The following CEP83 variants were observed in gnomAD, a reference collection of about 807,000 sequenced individuals.
The protein encoded by CEP83 is centrosomal protein of 83 kDa.
In CEP83, 70 loss-of-function variants were observed where a neutral mutation model predicts 101.9. That is an observed-to-expected ratio of 0.69 (90% CI 0.57 to 0.84). The LOEUF (loss-of-function observed/expected upper bound fraction) is 0.84. Ranked by LOEUF, CEP83 falls within the 40% of genes least tolerant of loss-of-function variation. The pLI, the probability that CEP83 is intolerant of heterozygous loss-of-function variation, is 0.00. For missense variants in CEP83, 715 were observed against 787.2 expected (o/e 0.91, Z 1.10); for synonymous variants, 264 against 267.9 (o/e 0.99, Z 0.14).
At chr12:94,389,907 G>A (rs7970950) in intron 6 of CEP83, among the ~76,000 whole-genome samples, 3,947 of 152,324 alleles carry the variant, frequency 0.026, 189 homozygotes, top group African/African-American at 0.091. Flanking sequence ...CGGCACCCTG[G>A]CAGGGGGAGG....
At chr12:94,298,042 T>A in the CEP83 span, among the ~76,000 whole-genome samples, 4 of 152,152 alleles carry the variant, frequency 2.6e-5, no homozygotes, top group Admixed American at 2.0e-4. Flanking sequence ...CCCAGGAACT[T>A]GATGGGCATG....
At chr12:94,407,223 G>A (rs1195964140) in intron 4 of CEP83, among the ~76,000 whole-genome samples, 3 of 152,084 alleles carry the variant, frequency 2.0e-5, no homozygotes, top group East Asian at 1.9e-4. Flanking sequence ...ATTTTTAGAA[G>A]TAATCTCCAA....
At chr12:94,387,581 C>A (rs1301513543) in intron 6 of CEP83, among the ~76,000 whole-genome samples, 3 of 152,090 alleles carry the variant, frequency 2.0e-5, no homozygotes, top group Non-Finnish European at 4.4e-5. Flanking sequence ...AAAGTGATAA[C>A]TGGGACCTAA....
chr12:94,439,702 T>C (rs1050704898), intron 1 of CEP83, among the ~76,000 whole-genome samples: 1 of 152,070 alleles, frequency 6.6e-6, no homozygotes, highest in African/African-American at 2.4e-5. Flanking sequence ...GAAGCCAGTA[T>C]TATCCTAATA....
chr12:94,336,829 C>CTTT (rs1172888174), intron 11 of CEP83, among the ~76,000 whole-genome samples: 1 of 144,270 alleles, frequency 6.9e-6, no homozygotes, highest in African/African-American at 2.5e-5. Context: ...TGGGTGCCTT[C>CTTT]TTTTTTTTTT....
intron 6 of CEP83, 46 bp from the exon 7 acceptor site, chr12:94,379,088 T>C (rs1593545653): frequency 6.8e-7 from 1 of 1,461,290 alleles, no homozygotes; most frequent in African/African-American, 1.4e-5. Flanking sequence ...ATTATTAAAT[T>C]TTCAGTCATG....
chr12:94,325,150 C>T (rs1465890265), intron 14 of CEP83, among the ~76,000 whole-genome samples: 4 of 151,968 alleles, frequency 2.6e-5, no homozygotes, highest in African/African-American at 4.8e-5. Context: ...TAAAACAGCA[C>T]CCCCTACTCC....
chr12:94,310,383 C>T (rs990728823), intron 15 of CEP83, among the ~76,000 whole-genome samples: 17 of 151,386 alleles, frequency 1.1e-4, no homozygotes, highest in African/African-American at 4.1e-4. Flanking sequence ...CTCACTCCTA[C>T]CCTCCTACTC....
At chr12:94,300,571 T>TCATGC in the CEP83 span, among the ~76,000 whole-genome samples, 120 of 152,276 alleles carry the variant, frequency 7.9e-4, 1 homozygote, top group East Asian at 0.022. Flanking sequence ...TGATTCTGTG[T>TCATGC]TGAGAGGACT....
chr12:94,412,498 TA>T lies in CEP83; in HGVS notation c.-9del, dbSNP rs745804463. 3.2e-5 allele frequency: 51 copies of T among 1,609,868 alleles called. No homozygotes were observed. In the East Asian group the frequency reaches 1.1e-3, roughly 35 times the overall value. On this transcript the variant is annotated 5_prime_UTR_variant, in exon 3 of 17. Coordinates refer to ENST00000397809, the MANE Select transcript of CEP83 (RefSeq NM_016122.3). Reference sequence around the variant, plus strand: ...AAATGTGCTGACAACCATGTAAAAATAAGTTTTGGCTTTCTTACTGTTTTAG... The same window carrying T: ...AAATGTGCTGACAACCATGTAAAAATAGTTTTGGCTTTCTTACTGTTTTAG...
chr12:94,407,553 T>C (rs2063617738), intron 4 of CEP83, among the ~76,000 whole-genome samples: 1 of 152,206 alleles, frequency 6.6e-6, no homozygotes, highest in African/African-American at 2.4e-5. Context: ...CACTGGCCTG[T>C]GCAATCTAAT....
At chr12:94,279,623 G>C in the CEP83 span, 1 of 1,614,210 alleles carries the variant, frequency 6.2e-7, no homozygotes, top group East Asian at 2.2e-5. Flanking sequence ...TCTCCTTATG[G>C]ACTTCAGCTT....
chr12:94,311,734 G>A (rs1308534463), intron 15 of CEP83, among the ~76,000 whole-genome samples: 1 of 152,172 alleles, frequency 6.6e-6, no homozygotes, highest in African/African-American at 2.4e-5. Context: ...ATGACATGGA[G>A]AAAAAGGCTA....
intron 11 of CEP83, among the ~76,000 whole-genome samples, chr12:94,349,709 T>C (rs965338453): frequency 6.6e-6 from 1 of 152,168 alleles, no homozygotes; most frequent in East Asian, 1.9e-4. Context: ...AGATCAGGAA[T>C]AAACCAAGTA....
chr12:94,326,553 A>G (rs1163734969), intron 14 of CEP83, among the ~76,000 whole-genome samples: 1 of 152,180 alleles, frequency 6.6e-6, no homozygotes, highest in African/African-American at 2.4e-5. Context: ...CAAAGAAATG[A>G]TTGCTGGTAT....
chr12:94,276,756 C>A, the CEP83 span, among the ~76,000 whole-genome samples: 1 of 152,176 alleles, frequency 6.6e-6, no homozygotes, highest in Non-Finnish European at 1.5e-5. Context: ...CCCACCAGCT[C>A]CCTGCCTTCT....
intron 1 of CEP83, among the ~76,000 whole-genome samples, chr12:94,451,000 T>A (rs1460843171): frequency 2.6e-5 from 4 of 152,228 alleles, no homozygotes; most frequent in African/African-American, 9.6e-5. Flanking sequence ...TTTATAGACA[T>A]GAGTCTTGGA....
chr12:94,353,607 T>C (rs1565969234), intron 11 of CEP83, among the ~76,000 whole-genome samples: 1 of 151,980 alleles, frequency 6.6e-6, no homozygotes, highest in Non-Finnish European at 1.5e-5. Flanking sequence ...TGTAAACAGA[T>C]TACATCCCCC....
At position 94,336,907 on chromosome 12, in the gene CEP83, C is replaced by T. The variant is rs142980128; in HGVS notation, c.1344-1243G>A. On this transcript the variant is annotated intron_variant, in intron 11 of 16. Coordinates refer to ENST00000397809, the MANE Select transcript of CEP83 (RefSeq NM_016122.3). ...CTCAAACTCTTTGGCTTAAGCAATC[C>T]TCCTGCCTCAGCCTCTCAGGTAGCA... 1.6e-4 allele frequency among the ~76,000 whole-genome samples: 25 copies of T among 152,008 alleles called. 1 individual carries two copies. In the East Asian group the frequency reaches 4.5e-3, roughly 27 times the overall value.
Sources: gnomAD v4.1 joint callset for allele counts (sites outside exome capture counted in the v4.1 genomes callset) on GRCh38, gnomAD v4.1.1 for gene constraint, MANE v1.5 for transcripts, NCBI Gene and HGNC (gene_info 2026-07-23, HGNC 2026-07-21) for gene names.